TEKT3: variants seen among roughly 807,000 people sequenced by gnomAD.
TEKT3 encodes tektin 3, also known as tektin-3.
TEKT3 carries 49 observed loss-of-function variants against 49.8 expected under a neutral mutation model. The ratio of observed to expected loss-of-function variants is 0.98; its 90% CI spans 0.78 to 1.25. The LOEUF is 1.25. Among genes scored for constraint, TEKT3 ranks in the 50% most tolerant of loss-of-function variants. TEKT3 has a pLI of 0.00. For missense variants in TEKT3, 595 were observed against 629.5 expected, an observed-to-expected ratio of 0.95 and a Z score of 0.59; for synonymous variants, 225 against 237.2, an observed-to-expected ratio of 0.95 and a Z score of 0.47.
rs1172842212 is a variant in TEKT3, at chr17:15,341,519, T to C, written c.-65A>G. The C allele has an allele frequency of 6.6e-6, 1 of 152,434 alleles. No homozygotes were observed. The highest frequency in any genetic ancestry group is 1.5e-5 in the Non-Finnish European group (1 of 68,244). The allele number at this position is 152,434 out of a possible 1,614,324, so 9.4% of individuals were successfully genotyped here. ...GCTAGAGTCAGCGAGACCACTCACCTGTCGGCGGATGCCCGGCGAGGGGCG... is the reference window on the plus strand; with the variant it reads ...GCTAGAGTCAGCGAGACCACTCACCCGTCGGCGGATGCCCGGCGAGGGGCG... On this transcript the variant is annotated splice_region_variant and 5_prime_UTR_variant, in exon 1 of 9. Coordinates refer to ENST00000395930, the MANE Select transcript of TEKT3 (RefSeq NM_031898.3).
chr17:15,335,230 A>G (rs537023355), intron 2 of TEKT3, among the ~76,000 whole-genome samples: 2 of 152,358 alleles, frequency 1.3e-5, no homozygotes, highest in East Asian at 3.9e-4. Context: ...GGTTTCTGGA[A>G]TAAAGTGAGC....
intron 6 of TEKT3, among the ~76,000 whole-genome samples, chr17:15,312,752 TAGGTTCATTATAAATGTGTC>T (rs1910825736): frequency 6.6e-6 from 1 of 152,204 alleles, no homozygotes; most frequent in Non-Finnish European, 1.5e-5. Context: ...TGTGAACGTG[TAGGTTCATTATAAATGTGTC>T]ACACATCACA....
chr17:15,314,420 A>G, intron 5 of TEKT3, 190 bp from the exon 6 acceptor site: 1 of 734,240 alleles, frequency 1.4e-6, no homozygotes, highest in Non-Finnish European at 2.3e-6. Flanking sequence ...CGTCACTGGG[A>G]CCCTAACTCC....
chr17:15,306,960 G>A (rs1910577034), intron 8 of TEKT3: 1 of 152,126 alleles, frequency 6.6e-6, no homozygotes, highest in African/African-American at 2.4e-5. Flanking sequence ...CATGAAGAGG[G>A]GTTCTATGGA....
chr17:15,316,099 T>C (rs1020612770), intron 5 of TEKT3, among the ~76,000 whole-genome samples: 1 of 152,136 alleles, frequency 6.6e-6, no homozygotes, highest in Non-Finnish European at 1.5e-5. Flanking sequence ...GTGCGAAGGA[T>C]GAAAAAGGAA....
intron 4 of TEKT3, among the ~76,000 whole-genome samples, chr17:15,327,469 T>C (rs1911539709): frequency 6.6e-6 from 1 of 152,044 alleles, no homozygotes; most frequent in Non-Finnish European, 1.5e-5. Flanking sequence ...TGAGCCGAGA[T>C]TGTGCCATTG....
intron 1 of TEKT3, chr17:15,340,318 G>A (rs561575586): frequency 2.5e-4 from 38 of 151,488 alleles, no homozygotes; most frequent in African/African-American, 9.0e-4. Context: ...GGAGGATCAC[G>A]AGGTCAGGAG....
chr17:15,328,816 A>C (rs1247324392), intron 3 of TEKT3, among the ~76,000 whole-genome samples: 1 of 152,220 alleles, frequency 6.6e-6, no homozygotes, highest in East Asian at 1.9e-4. Context: ...TGTATGAAAG[A>C]ACATTATGTA....
chr17:15,322,936 T>C (rs406112), intron 4 of TEKT3, among the ~76,000 whole-genome samples: 24,288 of 152,184 alleles, frequency 0.16, 2,083 homozygotes, highest in African/African-American at 0.22. Context: ...AGATCTGCAT[T>C]CTCAGTATTT....
chr17:15,305,623 C>G (rs1055216024), intron 8 of TEKT3, among the ~76,000 whole-genome samples: 3 of 152,098 alleles, frequency 2.0e-5, no homozygotes, highest in Non-Finnish European at 4.4e-5. Context: ...GGGCCTGCCT[C>G]TTGTCTCCCA....
chr17:15,332,742 A>G (rs558133874), intron 2 of TEKT3, among the ~76,000 whole-genome samples: 4 of 152,208 alleles, frequency 2.6e-5, no homozygotes, highest in Non-Finnish European at 5.9e-5. Context: ...GGACACATAG[A>G]AAGTGTGCAA....
chr17:15,314,109 C>T lies in TEKT3; in HGVS notation c.856G>A (p.Gly286Arg), dbSNP rs35459214. The T allele has an allele frequency of 8.4e-5, 135 of 1,614,082 alleles. No individual in the cohort carries two copies. The highest frequency in any genetic ancestry group is 1.1e-4 in the Non-Finnish European group (130 of 1,180,048). Residue 286 changes from glycine to arginine, a missense_variant, in exon 6 of 9, where the codon GGA (glycine) becomes AGA (arginine). Transcript: ENST00000395930. ...TACGTTGCATCGACCCTCTCCACTC[C>T]GCGGAAGTAGCCGACACCGTCTGAT... Reference protein sequence around the residue: ...NTSDGVGYFRGVERVDATVSV... With the variant: ...NTSDGVGYFRRVERVDATVSV...
intron 4 of TEKT3, among the ~76,000 whole-genome samples, chr17:15,324,996 A>C (rs1911430082): frequency 6.6e-6 from 1 of 152,198 alleles, no homozygotes; most frequent in African/African-American, 2.4e-5. Flanking sequence ...GTGGATATCC[A>C]ATTGTCCAAA....
chr17:15,308,639 C>T lies in TEKT3; in HGVS notation c.1256+25G>A. The T allele has an allele frequency of 1.3e-6, 2 of 1,594,804 alleles. 1 individual carries two copies. Among genetic ancestry groups the T allele is most frequent in the South Asian group, 2.2e-5 (2 of 90,584 alleles). Reference sequence around the variant, plus strand: ...TGGTCTGGTGGCCCTCCGAGCGAGCCCCGAGCCTTCCCCTCCCACCTTACC... The same window carrying T: ...TGGTCTGGTGGCCCTCCGAGCGAGCTCCGAGCCTTCCCCTCCCACCTTACC... On this transcript the variant is annotated intron_variant, in intron 8 of 8. Transcript: ENST00000395930.
chr17:15,327,738 C>A, intron 4 of TEKT3: 1 of 388,142 alleles, frequency 2.6e-6, no homozygotes, highest in Non-Finnish European at 4.6e-6. Context: ...TGAAATACTC[C>A]AAAATTAATA....
chr17:15,332,572 G>A (rs1390151178), intron 2 of TEKT3, among the ~76,000 whole-genome samples: 1 of 152,114 alleles, frequency 6.6e-6, no homozygotes, highest in Non-Finnish European at 1.5e-5. Flanking sequence ...ACAATGGTGT[G>A]GTTGATATGC....
At chr17:15,341,636 A>G (rs1912238043), upstream of TEKT3, 1 of 152,202 alleles carries the variant, frequency 6.6e-6, no homozygotes, top group Non-Finnish European at 1.5e-5. Context: ...CGCCTTTCCT[A>G]TCTGTGACGA....
intron 7 of TEKT3, 77 bp from the exon 8 acceptor site, chr17:15,308,895 C>T: frequency 6.5e-7 from 1 of 1,547,992 alleles, no homozygotes. Context: ...CTTGCCTGTC[C>T]ACTCCATGTC....
chr17:15,319,739 C>T (rs1395227584), intron 4 of TEKT3, among the ~76,000 whole-genome samples: 1 of 152,174 alleles, frequency 6.6e-6, no homozygotes, highest in Admixed American at 6.5e-5. Context: ...GGACCACACA[C>T]GTTGCCTTTT....
Sources: allele counts gnomAD v4.1 joint callset (sites outside exome capture counted in the v4.1 genomes callset), GRCh38; gene constraint gnomAD v4.1.1; transcripts MANE v1.5; gene names NCBI Gene and HGNC (gene_info 2026-07-23, HGNC 2026-07-21).